MDGA2: variants seen among roughly 807,000 people sequenced by gnomAD.
MDGA2 encodes the protein MAM domain-containing glycosylphosphatidylinositol anchor protein 2.
In MDGA2, 40 loss-of-function variants were observed where a neutral mutation model predicts 117.8. That is an observed-to-expected ratio of 0.34 (90% CI 0.26 to 0.44). MDGA2 has a LOEUF of 0.44. MDGA2 is among the 20% of genes least tolerant of loss of function. The pLI, the probability that MDGA2 is intolerant of heterozygous loss-of-function variation, is 1.00. For missense variants in MDGA2, 1,123 were observed against 1,250.6 expected (o/e 0.90, Z 1.54); for synonymous variants, 452 against 439.0 (o/e 1.03, Z -0.37).
At chr14:47,643,798 T>G (rs1897473494) in intron 1 of MDGA2, among the ~76,000 whole-genome samples, 1 of 152,132 alleles carries the variant, frequency 6.6e-6, no homozygotes, top group African/African-American at 2.4e-5. Flanking sequence ...AGGCCAGGAT[T>G]TTTAAATGGC....
intron 1 of MDGA2, among the ~76,000 whole-genome samples, chr14:47,563,578 GTTTTTT>G (rs56244321): frequency 8.5e-3 from 483 of 56,834 alleles, no homozygotes; most frequent in African/African-American, 0.043. Context: ...GCTTTTTTCT[GTTTTTT>G]TTTTTTTTTT....
intron 7 of MDGA2, among the ~76,000 whole-genome samples, chr14:47,041,552 T>C (rs1222942844): frequency 6.6e-6 from 1 of 152,026 alleles, no homozygotes; most frequent in Non-Finnish European, 1.5e-5. Context: ...TGATATTTTT[T>C]TGCCTGAAAT....
intron 3 of MDGA2, among the ~76,000 whole-genome samples, chr14:47,213,087 G>C (rs938088393): frequency 4.0e-5 from 6 of 151,828 alleles, no homozygotes; most frequent in African/African-American, 1.5e-4. Flanking sequence ...CTTAGTTTTG[G>C]AGGAAAATAG....
intron 8 of MDGA2, among the ~76,000 whole-genome samples, chr14:47,008,220 C>T (rs915877055): frequency 5.9e-5 from 9 of 151,684 alleles, no homozygotes; most frequent in South Asian, 4.2e-4. Flanking sequence ...AGAGGTCCTC[C>T]GAGTAAATAT....
chr14:46,903,183 G>T (rs1473077114), intron 10 of MDGA2, among the ~76,000 whole-genome samples: 1 of 152,106 alleles, frequency 6.6e-6, no homozygotes. Flanking sequence ...TTCCGTTCCT[G>T]TCACCTTTCA....
intron 3 of MDGA2, among the ~76,000 whole-genome samples, chr14:47,186,682 C>G (rs1019752124): frequency 9.2e-5 from 14 of 151,882 alleles, no homozygotes; most frequent in African/African-American, 3.4e-4. Context: ...GACAGTCTAG[C>G]TCATGCTATT....
At chr14:47,064,466 G>A (rs1339462175) in intron 6 of MDGA2, among the ~76,000 whole-genome samples, 6 of 152,072 alleles carry the variant, frequency 3.9e-5, no homozygotes, top group East Asian at 1.9e-4. Flanking sequence ...GTGTGTGTGC[G>A]TGTACTCATA....
chr14:47,035,061 T>C lies in MDGA2; in HGVS notation c.1769A>G (p.Asn590Ser). Residue 590 changes from asparagine (N) to serine (S), a missense_variant, in exon 8 of 17, where the codon AAT (asparagine) becomes AGT (serine). Physicochemically the swap from Asn to Ser is conservative, Grantham distance 46. Transcript: ENST00000399232. ...GMYRCQTSQY[N>S]GFNVKPREAL... Reference sequence around the variant, plus strand: ...TTCCCTTGGTTTCACGTTAAATCCATTGTATTGGCTGGTCTGACATCTGTA... The same window carrying C: ...TTCCCTTGGTTTCACGTTAAATCCACTGTATTGGCTGGTCTGACATCTGTA... The C allele has an allele frequency of 1.2e-6, 2 of 1,614,104 alleles. No individual in the cohort carries two copies. The highest frequency in any genetic ancestry group is 2.2e-5 in the East Asian group (1 of 44,856).
At chr14:47,341,191 T>C (rs1476856271) in intron 1 of MDGA2, among the ~76,000 whole-genome samples, 1 of 152,206 alleles carries the variant, frequency 6.6e-6, no homozygotes, top group African/African-American at 2.4e-5. Context: ...AGATTGCAGT[T>C]AGTAACATGC....
intron 1 of MDGA2, among the ~76,000 whole-genome samples, chr14:47,609,058 T>A (rs1896791132): frequency 6.6e-6 from 1 of 151,834 alleles, no homozygotes; most frequent in South Asian, 2.1e-4. Flanking sequence ...TTTTTTATTT[T>A]TATCTTTTTT....
At chr14:47,088,746 AATGTTTT>A (rs1891001694) in intron 6 of MDGA2, among the ~76,000 whole-genome samples, 1 of 152,162 alleles carries the variant, frequency 6.6e-6, no homozygotes, top group South Asian at 2.1e-4. Flanking sequence ...GCTTATGCTG[AATGTTTT>A]AGTTATGGGG....
At chr14:47,421,970 T>C (rs1892588940) in intron 1 of MDGA2, among the ~76,000 whole-genome samples, 1 of 126,320 alleles carries the variant, frequency 7.9e-6, no homozygotes, top group Non-Finnish European at 1.7e-5. Flanking sequence ...TTTTGGTGAC[T>C]GTAATAAAGT....
At position 47,046,017 on chromosome 14, in the gene MDGA2, G is replaced by C. The variant is rs1408774828; in HGVS notation, c.1526-10713C>G. 6.6e-5 allele frequency among the ~76,000 whole-genome samples: 10 copies of C among 151,028 alleles called. No individual in the cohort carries two copies. In the East Asian group the frequency reaches 1.2e-3, roughly 18 times the overall value. ...GGGGACTGTTGTGGGGTGTGGGGAG[G>C]GGGGAGGGATAGCATTAGGTGATAT... is the stretch of plus-strand genomic sequence containing the variant. On this transcript the variant is annotated intron_variant, in intron 7 of 16. Coordinates refer to ENST00000399232, the MANE Select transcript of MDGA2 (RefSeq NM_001113498.3).
chr14:46,965,578 C>T (rs764746479), intron 8 of MDGA2, among the ~76,000 whole-genome samples: 4 of 152,078 alleles, frequency 2.6e-5, no homozygotes, highest in East Asian at 3.9e-4. Flanking sequence ...TTAAACCAAG[C>T]GCACTCATTA....
chr14:47,074,648 C>T (rs1021579750), intron 6 of MDGA2, among the ~76,000 whole-genome samples: 2 of 152,208 alleles, frequency 1.3e-5, no homozygotes, highest in African/African-American at 4.8e-5. Flanking sequence ...GGAGCAGCAG[C>T]TCAGTCCAAA....
chr14:46,844,833 C>A (rs1175310281), intron 16 of MDGA2, among the ~76,000 whole-genome samples: 1 of 152,028 alleles, frequency 6.6e-6, no homozygotes, highest in Non-Finnish European at 1.5e-5. Context: ...CCCCTATGCT[C>A]TTCTCATGAA....
At chr14:46,844,271 C>T (rs1880730376) in intron 16 of MDGA2, among the ~76,000 whole-genome samples, 1 of 152,054 alleles carries the variant, frequency 6.6e-6, no homozygotes, top group Admixed American at 6.6e-5. Flanking sequence ...CTTTACAATG[C>T]TGAATCTGTT....
chr14:47,128,965 A>G (rs1037775084), intron 5 of MDGA2, among the ~76,000 whole-genome samples: 3 of 152,284 alleles, frequency 2.0e-5, no homozygotes, highest in African/African-American at 4.8e-5. Context: ...CTGGGATTAC[A>G]GGAGTGAGCC....
At chr14:47,101,102 TAGATAGATAGATAGATAGATAGAC>T (rs1371154122) in intron 5 of MDGA2, among the ~76,000 whole-genome samples, 37 of 127,824 alleles carry the variant, frequency 2.9e-4, no homozygotes, top group African/African-American at 5.6e-4. Flanking sequence ...GATAGATAGA[TAGATAGATAGATAGATAGATAGAC>T]AGATAGATAG....
Sources: allele counts gnomAD v4.1 joint callset (sites outside exome capture counted in the v4.1 genomes callset), GRCh38; gene constraint gnomAD v4.1.1; transcripts MANE v1.5; gene names NCBI Gene and HGNC (gene_info 2026-07-23, HGNC 2026-07-21).